Variants in ABTB3 observed in about 807,000 individuals in gnomAD.
The protein encoded by ABTB3 is ankyrin repeat- and BTB/POZ domain-containing protein 3.
At chr12:107,573,511 T>TAGATGGAAC in the ABTB3 span, among the ~76,000 whole-genome samples, 5 of 151,736 alleles carry the variant, frequency 3.3e-5, no homozygotes, top group African/African-American at 1.2e-4. Flanking sequence ...GATGGATGGA[T>TAGATGGAAC]AGATGGAACA....
chr12:107,630,710 T>C, the ABTB3 span, among the ~76,000 whole-genome samples: 30 of 152,316 alleles, frequency 2.0e-4, no homozygotes, highest in African/African-American at 7.2e-4. Context: ...GCTGGGACTA[T>C]AGGCATGCAC....
the ABTB3 span, among the ~76,000 whole-genome samples, chr12:107,387,972 C>CTT: frequency 0.25 from 29,542 of 119,980 alleles, 4,061 homozygotes; most frequent in Admixed American, 0.28. Flanking sequence ...TCTTCTTCTT[C>CTT]TTTTTTTTTT....
chr12:107,618,266 C>G, the ABTB3 span: 17 of 1,613,686 alleles, frequency 1.1e-5, no homozygotes, highest in Non-Finnish European at 1.4e-5. Context: ...CAGCCCCGCC[C>G]CCCTTGTGCG....
At chr12:107,612,897 C>T in the ABTB3 span, 2 of 1,602,620 alleles carry the variant, frequency 1.2e-6, no homozygotes, top group African/African-American at 1.3e-5. Context: ...AGCAGGGCCC[C>T]TCGGCCGGCA....
the ABTB3 span, among the ~76,000 whole-genome samples, chr12:107,379,214 C>T: frequency 6.6e-6 from 1 of 152,114 alleles, no homozygotes; most frequent in Non-Finnish European, 1.5e-5. Flanking sequence ...AGTAAGGGCT[C>T]CATAAATGGT....
chr12:107,591,623 C>G, the ABTB3 span, among the ~76,000 whole-genome samples: 2 of 152,170 alleles, frequency 1.3e-5, no homozygotes, highest in African/African-American at 2.4e-5. Context: ...GGACACATAT[C>G]CAGACCACAT....
chr12:107,394,229 AG>A, the ABTB3 span, among the ~76,000 whole-genome samples: 2 of 138,660 alleles, frequency 1.4e-5, no homozygotes, highest in East Asian at 2.1e-4. Flanking sequence ...CATTTGACAG[AG>A]GGGAAAAAAA....
the ABTB3 span, among the ~76,000 whole-genome samples, chr12:107,324,343 G>A: frequency 2.6e-5 from 4 of 152,258 alleles, no homozygotes; most frequent in East Asian, 7.7e-4. Flanking sequence ...TGTGGCCAGG[G>A]TCACAAAAAG....
the ABTB3 span, chr12:107,641,964 CA>C: frequency 4.8e-6 from 4 of 830,470 alleles, no homozygotes; most frequent in African/African-American, 6.7e-5. Context: ...AAGGATATAC[CA>C]GTGCTATATT....
At chr12:107,472,715 C>T in the ABTB3 span, among the ~76,000 whole-genome samples, 1 of 152,218 alleles carries the variant, frequency 6.6e-6, no homozygotes, top group African/African-American at 2.4e-5. Context: ...ATCCGCCGTT[C>T]GGTTCCCCAG....
chr12:107,532,326 C>G, the ABTB3 span, among the ~76,000 whole-genome samples: 2 of 152,190 alleles, frequency 1.3e-5, no homozygotes, highest in Non-Finnish European at 2.9e-5. Context: ...TCCAGGAGCC[C>G]AAGGACTGGC....
At chr12:107,356,166 G>C in the ABTB3 span, among the ~76,000 whole-genome samples, 1 of 152,168 alleles carries the variant, frequency 6.6e-6, no homozygotes, top group Non-Finnish European at 1.5e-5. Context: ...CTTGGGGGTA[G>C]GAAATGGCGT....
the ABTB3 span, among the ~76,000 whole-genome samples, chr12:107,537,578 C>T: frequency 6.6e-6 from 1 of 152,132 alleles, no homozygotes; most frequent in East Asian, 1.9e-4. Flanking sequence ...TGGCAGCCTT[C>T]CCCCTTGGCT....
the ABTB3 span, among the ~76,000 whole-genome samples, chr12:107,420,090 C>T: frequency 6.6e-6 from 1 of 152,256 alleles, no homozygotes; most frequent in East Asian, 1.9e-4. Flanking sequence ...GGCCCTGCAC[C>T]TTTTTTCCCC....
At chr12:107,332,997 G>A in the ABTB3 span, among the ~76,000 whole-genome samples, 5 of 152,326 alleles carry the variant, frequency 3.3e-5, no homozygotes, top group Admixed American at 3.3e-4. Flanking sequence ...GAGACTAGAA[G>A]CCATTATTAA....
chr12:107,557,174 G>A, the ABTB3 span, among the ~76,000 whole-genome samples: 1 of 152,178 alleles, frequency 6.6e-6, no homozygotes, highest in African/African-American at 2.4e-5. Flanking sequence ...TTGTCATTGT[G>A]GGAACATTGT....
At chr12:107,442,273 T>C in the ABTB3 span, among the ~76,000 whole-genome samples, 1 of 152,042 alleles carries the variant, frequency 6.6e-6, no homozygotes, top group Non-Finnish European at 1.5e-5. Context: ...AAGCAAGAAG[T>C]TTTCAGAGTA....
chr12:107,348,399 G>C, the ABTB3 span, among the ~76,000 whole-genome samples: 2 of 152,070 alleles, frequency 1.3e-5, no homozygotes, highest in African/African-American at 4.8e-5. Flanking sequence ...AGTATTCTAG[G>C]TGCTGAGGAT....
At chr12:107,572,847 G>A in the ABTB3 span, among the ~76,000 whole-genome samples, 13 of 152,230 alleles carry the variant, frequency 8.5e-5, no homozygotes, top group African/African-American at 1.2e-4. Context: ...ATTTTTGCTC[G>A]CTCTGCCTAG....
Sources: allele counts gnomAD v4.1 joint callset (sites outside exome capture counted in the v4.1 genomes callset), GRCh38; gene constraint gnomAD v4.1.1; transcripts MANE v1.5; gene names NCBI Gene and HGNC (gene_info 2026-07-23, HGNC 2026-07-21).